FBXL7: variants seen among roughly 807,000 people sequenced by gnomAD.
The protein encoded by FBXL7 is F-box/LRR-repeat protein 7.
In FBXL7, 12 loss-of-function variants were observed where a neutral mutation model predicts 38.3. The ratio of observed to expected loss-of-function variants is 0.31; its 90% CI spans 0.20 to 0.51. The LOEUF (loss-of-function observed/expected upper bound fraction) is 0.51. FBXL7 is among the 20% of genes least tolerant of loss of function. The pLI, the probability that FBXL7 is intolerant of heterozygous loss-of-function variation, is 0.98. For synonymous variants in FBXL7, 297 were observed against 300.9 expected (o/e 0.99, Z 0.13); for missense variants, 567 against 676.4 (o/e 0.84, Z 1.79).
intron 1 of FBXL7, among the ~76,000 whole-genome samples, chr5:15,585,016 C>T (rs1739261800): frequency 6.6e-6 from 1 of 152,174 alleles, no homozygotes; most frequent in Non-Finnish European, 1.5e-5. Flanking sequence ...CTTTCAACTA[C>T]TCTGCTGCCT....
intron 2 of FBXL7, among the ~76,000 whole-genome samples, chr5:15,660,134 G>A (rs369365930): frequency 6.6e-5 from 10 of 152,184 alleles, no homozygotes; most frequent in Non-Finnish European, 1.3e-4. Context: ...CATCAGCAAC[G>A]GTGTCCCCTT....
At chr5:15,763,892 A>ACAGC (rs1298648050) in intron 2 of FBXL7, among the ~76,000 whole-genome samples, 1 of 152,230 alleles carries the variant, frequency 6.6e-6, no homozygotes, top group Non-Finnish European at 1.5e-5. Flanking sequence ...TGCAAGCTGC[A>ACAGC]GAGCCAGGAG....
At chr5:15,912,877 A>G (rs980033576) in intron 2 of FBXL7, among the ~76,000 whole-genome samples, 1 of 152,166 alleles carries the variant, frequency 6.6e-6, no homozygotes, top group Non-Finnish European at 1.5e-5. Context: ...CTTAGACTGT[A>G]GTAGGCCCAG....
chr5:15,503,139 G>C (rs1736544803), intron 1 of FBXL7, among the ~76,000 whole-genome samples: 1 of 152,176 alleles, frequency 6.6e-6, no homozygotes, highest in Admixed American at 6.5e-5. Context: ...CAATAGCTGA[G>C]GTCGGGCGCG....
At chr5:15,646,812 G>A (rs1196206494) in intron 2 of FBXL7, among the ~76,000 whole-genome samples, 1 of 152,184 alleles carries the variant, frequency 6.6e-6, no homozygotes, top group Non-Finnish European at 1.5e-5. Context: ...GGTGACAGTC[G>A]CGTGGGGAGT....
intron 2 of FBXL7, among the ~76,000 whole-genome samples, chr5:15,624,585 T>C (rs1740748613): frequency 6.6e-6 from 1 of 152,234 alleles, no homozygotes; most frequent in African/African-American, 2.4e-5. Context: ...ACAGTAATTC[T>C]TGATTGCTGA....
chr5:15,836,225 T>C (rs748993395), intron 2 of FBXL7, among the ~76,000 whole-genome samples: 2 of 152,314 alleles, frequency 1.3e-5, no homozygotes, highest in Admixed American at 6.5e-5. Flanking sequence ...ATTGTACACT[T>C]ACTATGTGCC....
chr5:15,822,549 A>G (rs1351839373), intron 2 of FBXL7, among the ~76,000 whole-genome samples: 1 of 151,220 alleles, frequency 6.6e-6, no homozygotes, highest in African/African-American at 2.4e-5. Context: ...TATTTTAATT[A>G]TCGTACTTAG....
chr5:15,674,012 G>A (rs756565828), intron 2 of FBXL7, among the ~76,000 whole-genome samples: 6 of 152,186 alleles, frequency 3.9e-5, no homozygotes, highest in Non-Finnish European at 5.9e-5. Flanking sequence ...GTGTTCTACC[G>A]TTATAGAGGG....
intron 2 of FBXL7, among the ~76,000 whole-genome samples, chr5:15,637,484 TATA>T (rs1409771753): frequency 5.3e-5 from 8 of 152,226 alleles, no homozygotes; most frequent in Non-Finnish European, 1.5e-5. Flanking sequence ...AAAAGTATCA[TATA>T]ATAGGACAGA....
chr5:15,536,694 CG>C (rs1737595912), intron 1 of FBXL7, among the ~76,000 whole-genome samples: 1 of 152,088 alleles, frequency 6.6e-6, no homozygotes, highest in South Asian at 2.1e-4. Context: ...GGCTCATAGG[CG>C]GAAGGGACTT....
intron 2 of FBXL7, among the ~76,000 whole-genome samples, chr5:15,619,356 C>T (rs1162722001): frequency 4.6e-5 from 7 of 152,142 alleles, no homozygotes; most frequent in African/African-American, 1.7e-4. Flanking sequence ...TTTAGAGAGA[C>T]AATGCCAAAC....
intron 2 of FBXL7, among the ~76,000 whole-genome samples, chr5:15,890,974 A>C (rs2126378229): frequency 6.6e-6 from 1 of 152,170 alleles, no homozygotes; most frequent in South Asian, 2.1e-4. Flanking sequence ...AAAAACTTGA[A>C]AATCTATTAT....
At chr5:15,892,653 C>G (rs1740950871) in intron 2 of FBXL7, among the ~76,000 whole-genome samples, 1 of 152,156 alleles carries the variant, frequency 6.6e-6, no homozygotes, top group African/African-American at 2.4e-5. Flanking sequence ...TAAGCAACTA[C>G]TATGTGCAAG....
intron 1 of FBXL7, among the ~76,000 whole-genome samples, chr5:15,513,517 TC>T (rs1425795326): frequency 6.6e-6 from 1 of 152,192 alleles, no homozygotes; most frequent in Non-Finnish European, 1.5e-5. Context: ...ATTGAAGGAA[TC>T]ATTCTGTGAT....
chr5:15,865,497 A>G (rs1739667813), intron 2 of FBXL7, among the ~76,000 whole-genome samples: 1 of 152,290 alleles, frequency 6.6e-6, no homozygotes, highest in Non-Finnish European at 1.5e-5. Flanking sequence ...TAATTCCTGC[A>G]CTGCATAATG....
intron 2 of FBXL7, among the ~76,000 whole-genome samples, chr5:15,797,022 A>G (rs1231451587): frequency 6.6e-6 from 1 of 152,222 alleles, no homozygotes; most frequent in Admixed American, 6.5e-5. Flanking sequence ...AAACCAGTAT[A>G]TATTTTTGCT....
At chr5:15,698,192 A>G (rs1743398440) in intron 2 of FBXL7, among the ~76,000 whole-genome samples, 2 of 152,212 alleles carry the variant, frequency 1.3e-5, no homozygotes, top group Non-Finnish European at 2.9e-5. Flanking sequence ...AATCTCTTAA[A>G]AAATAACTGA....
chr5:15,609,435 T>C (rs556389818), intron 1 of FBXL7, among the ~76,000 whole-genome samples: 12 of 152,290 alleles, frequency 7.9e-5, no homozygotes, highest in African/African-American at 2.6e-4. Flanking sequence ...TGGTGTCTTT[T>C]GTGAGTGTCT....
Sources: allele counts gnomAD v4.1 joint callset (sites outside exome capture counted in the v4.1 genomes callset), GRCh38; gene constraint gnomAD v4.1.1; transcripts MANE v1.5; gene names NCBI Gene and HGNC (gene_info 2026-07-23, HGNC 2026-07-21).